Variants in LARGE1 observed in about 807,000 individuals in gnomAD.
LARGE1 encodes the protein LARGE xylosyl- and glucuronyltransferase 1, also known as xylosyl- and glucuronyltransferase LARGE1.
A neutral mutation model predicts 87.6 loss-of-function variants in LARGE1; 43 were observed. The observed-to-expected ratio is 0.49, with a 90% confidence interval of 0.38 to 0.63. The LOEUF (loss-of-function observed/expected upper bound fraction) is 0.63, where lower values mean the gene tolerates loss of function less well. LARGE1 is among the 30% of genes least tolerant of loss of function. The pLI, the probability that LARGE1 is intolerant of heterozygous loss-of-function variation, is 0.00. For synonymous variants in LARGE1, 434 were observed against 394.6 expected (o/e 1.10, Z -1.18); for missense variants, 802 against 1,000.2 (o/e 0.80, Z 2.67).
chr22:33,340,247 G>T (rs1356837354), intron 9 of LARGE1, among the ~76,000 whole-genome samples: 4 of 151,714 alleles, frequency 2.6e-5, no homozygotes, highest in African/African-American at 9.8e-5. Context: ...CTGAAGCCTG[G>T]TTCCAGAGTC....
At chr22:33,509,862 G>A (rs2070969894) in intron 6 of LARGE1, among the ~76,000 whole-genome samples, 2 of 152,178 alleles carry the variant, frequency 1.3e-5, no homozygotes, top group Admixed American at 6.5e-5. Context: ...GAATCGCAGA[G>A]AGTGAAGGAA....
chr22:33,340,168 A>T (rs1315911225), intron 9 of LARGE1, among the ~76,000 whole-genome samples: 1 of 151,818 alleles, frequency 6.6e-6, no homozygotes, highest in Non-Finnish European at 1.5e-5. Context: ...CATTTTACAG[A>T]TGGGGAAGTA....
At chr22:33,314,722 G>A (rs544732696) in intron 11 of LARGE1, among the ~76,000 whole-genome samples, 2 of 152,114 alleles carry the variant, frequency 1.3e-5, no homozygotes, top group Non-Finnish European at 2.9e-5. Context: ...AGGAGCTGAG[G>A]GGGGATGACA....
At chr22:33,886,685 G>T (rs1278029026) in intron 1 of LARGE1, among the ~76,000 whole-genome samples, 1 of 125,918 alleles carries the variant, frequency 7.9e-6, no homozygotes, top group Non-Finnish European at 1.7e-5. Context: ...GAAAAAAAAA[G>T]GAAGGGAGGG....
intron 2 of LARGE1, among the ~76,000 whole-genome samples, chr22:33,663,622 C>T (rs2081190580): frequency 6.6e-6 from 1 of 152,168 alleles, no homozygotes; most frequent in South Asian, 2.1e-4. Context: ...ATCTCAGAGA[C>T]AGTGTCAGGA....
chr22:33,269,780 C>T (rs529735569), downstream of LARGE1, among the ~76,000 whole-genome samples: 9 of 152,040 alleles, frequency 5.9e-5, no homozygotes, highest in South Asian at 1.7e-3. Context: ...CCGAGGTGGG[C>T]GGATCATGAG....
intron 7 of LARGE1, among the ~76,000 whole-genome samples, chr22:33,412,808 G>A (rs2147463881): frequency 6.6e-6 from 1 of 152,290 alleles, no homozygotes; most frequent in East Asian, 1.9e-4. Flanking sequence ...CTACAGGCAT[G>A]TGACCCCATG....
At chr22:33,172,953 G>A (rs1024986178) in intron 11 of LARGE1, among the ~76,000 whole-genome samples, 1 of 152,172 alleles carries the variant, frequency 6.6e-6, no homozygotes, top group Non-Finnish European at 1.5e-5. Flanking sequence ...TTATCCAGGA[G>A]AATTTCCCCA....
At chr22:33,307,480 C>G (rs1935060801) in intron 11 of LARGE1, among the ~76,000 whole-genome samples, 1 of 152,006 alleles carries the variant, frequency 6.6e-6, no homozygotes, top group Admixed American at 6.6e-5. Flanking sequence ...GTCAATGCCT[C>G]CCCACTCTTT....
chr22:33,810,584 G>A (rs926348684), intron 1 of LARGE1, among the ~76,000 whole-genome samples: 6 of 152,166 alleles, frequency 3.9e-5, no homozygotes, highest in African/African-American at 1.4e-4. Context: ...GAACCATTAT[G>A]CGCCCTTTTC....
At chr22:33,079,289 G>A in the LARGE1 span, among the ~76,000 whole-genome samples, 5 of 143,084 alleles carry the variant, frequency 3.5e-5, no homozygotes, top group Non-Finnish European at 7.5e-5. Flanking sequence ...GGACAGTGGC[G>A]TGATCTCGGC....
intron 10 of LARGE1, among the ~76,000 whole-genome samples, chr22:33,335,164 A>G (rs1938293888): frequency 1.3e-5 from 2 of 152,376 alleles, no homozygotes; most frequent in Non-Finnish European, 1.5e-5. Context: ...GTTTGCAAAA[A>G]TGTGCCGAAT....
intron 1 of LARGE1, among the ~76,000 whole-genome samples, chr22:33,820,523 C>T (rs192028549): frequency 2.0e-5 from 3 of 152,012 alleles, no homozygotes; most frequent in Non-Finnish European, 2.9e-5. Context: ...ATGGGGGTCT[C>T]GTGGTGCTGC....
intron 1 of LARGE1, among the ~76,000 whole-genome samples, chr22:33,918,566 T>C (rs75121872): frequency 0.058 from 8,858 of 152,308 alleles, 311 homozygotes; most frequent in Middle Eastern, 0.088. Flanking sequence ...CTGGCGTTTT[T>C]ATTTCTTTTA....
chr22:33,608,848 C>G (rs562209654), intron 4 of LARGE1, among the ~76,000 whole-genome samples: 1 of 152,062 alleles, frequency 6.6e-6, no homozygotes, highest in Non-Finnish European at 1.5e-5. Context: ...TTCTCATCTC[C>G]AAAGCAGGAA....
chr22:33,319,374 C>G (rs979589584), intron 10 of LARGE1, among the ~76,000 whole-genome samples: 2 of 152,132 alleles, frequency 1.3e-5, no homozygotes, highest in Non-Finnish European at 2.9e-5. Context: ...TGCAAGCCAG[C>G]CTGGCCCAGC....
At chr22:33,610,980 C>T (rs2079410781) in intron 4 of LARGE1, among the ~76,000 whole-genome samples, 1 of 152,212 alleles carries the variant, frequency 6.6e-6, no homozygotes, top group Non-Finnish European at 1.5e-5. Flanking sequence ...GGGTGTTAAG[C>T]CTGTCAGGAC....
Position 33,272,535 on chromosome 22 carries a change from C to T in LARGE1, c.*1892G>A, listed in dbSNP as rs372273611. 6.4e-4 allele frequency among the ~76,000 whole-genome samples: 97 copies of T among 152,270 alleles called. 1 individual carries two copies. The highest frequency in any genetic ancestry group is 2.1e-3 in the African/African-American group (88 of 41,542). On this transcript the variant is annotated 3_prime_UTR_variant, in exon 15 of 15. Transcript: ENST00000397394. ...TTCAAAATTTTTGTTCTGCTTTATACATATATGTCACTTTTTATTTATAAA... is the reference window on the plus strand; with the variant it reads ...TTCAAAATTTTTGTTCTGCTTTATATATATATGTCACTTTTTATTTATAAA...
In LARGE1 at chr22:33,183,010, G is replaced by A. The variant is rs538091885; in HGVS notation, c.1731-16178C>T. Among the ~76,000 whole-genome samples the A allele has an allele frequency of 3.0e-4, 45 of 152,116 alleles. No individual in the cohort carries two copies. In the South Asian group the frequency reaches 3.9e-3, roughly 13 times the overall value. On this transcript the variant is annotated intron_variant, in intron 11 of 11. Transcript: ENST00000608642. ...CTTCTGCACAGTGTAGGAAACAGTC[G>A]ACAAAATGAAAAGGCAATCTACAAA...
Sources: gnomAD v4.1 joint callset for allele counts (sites outside exome capture counted in the v4.1 genomes callset) on GRCh38, gnomAD v4.1.1 for gene constraint, MANE v1.5 for transcripts, NCBI Gene and HGNC (gene_info 2026-07-23, HGNC 2026-07-21) for gene names.